The following PPP1R12B variants were observed in gnomAD, a reference collection of about 807,000 sequenced individuals.
The protein encoded by PPP1R12B is myosin phosphatase target subunit 2.
In PPP1R12B, 76 loss-of-function variants were observed where a neutral mutation model predicts 126.1. The observed-to-expected ratio is 0.60, with a 90% CI of 0.50 to 0.73. The LOEUF (loss-of-function observed/expected upper bound fraction) is 0.73, where lower values mean the gene tolerates loss of function less well. PPP1R12B is among the 30% of genes least tolerant of loss of function. The pLI, the probability that PPP1R12B is intolerant of heterozygous loss-of-function variation, is 0.00. For synonymous variants in PPP1R12B, 356 were observed against 434.7 expected, an observed-to-expected ratio of 0.82 and a Z score of 2.25; for missense variants, 1,052 against 1,205.1, an observed-to-expected ratio of 0.87 and a Z score of 1.88.
chr1:202,558,043 T>G (rs1228771083), intron 18 of PPP1R12B, among the ~76,000 whole-genome samples: 1 of 152,146 alleles, frequency 6.6e-6, no homozygotes, highest in Non-Finnish European at 1.5e-5. Context: ...CCTCCTCTTG[T>G]CTGTCTTGAA....
intron 21 of PPP1R12B, among the ~76,000 whole-genome samples, chr1:202,564,837 A>G (rs757573149): frequency 5.3e-5 from 8 of 152,236 alleles, no homozygotes; most frequent in Non-Finnish European, 1.0e-4. Flanking sequence ...AACCAGCACT[A>G]CAAAGCTAGT....
chr1:202,465,531 T>C (rs537103415), intron 13 of PPP1R12B, among the ~76,000 whole-genome samples: 3 of 152,218 alleles, frequency 2.0e-5, no homozygotes, highest in Non-Finnish European at 2.9e-5. Flanking sequence ...GGTTGTCTTA[T>C]GGGTCATCTG....
At chr1:202,572,707 C>T (rs1176367853) in intron 23 of PPP1R12B, among the ~76,000 whole-genome samples, 1 of 152,186 alleles carries the variant, frequency 6.6e-6, no homozygotes, top group African/African-American at 2.4e-5. Flanking sequence ...CAGACCTTCT[C>T]CCCTTCCTTT....
chr1:202,484,058 G>A (rs1376477734), intron 13 of PPP1R12B, among the ~76,000 whole-genome samples: 2 of 152,016 alleles, frequency 1.3e-5, no homozygotes, highest in Non-Finnish European at 2.9e-5. Context: ...TTTTTAATCC[G>A]TTCAGCCACT....
chr1:202,521,492 GAT>G (rs1371352803), intron 18 of PPP1R12B, among the ~76,000 whole-genome samples: 1 of 152,106 alleles, frequency 6.6e-6, no homozygotes, highest in Non-Finnish European at 1.5e-5. Flanking sequence ...ATGAAGAACA[GAT>G]AATGAAACAA....
chr1:202,572,513 G>A (rs760283026), intron 23 of PPP1R12B, among the ~76,000 whole-genome samples: 2 of 152,220 alleles, frequency 1.3e-5, no homozygotes, highest in African/African-American at 2.4e-5. Flanking sequence ...GGAAAGGTAA[G>A]TATTTATGAA....
At chr1:202,356,327 T>C (rs768075412) in intron 1 of PPP1R12B, among the ~76,000 whole-genome samples, 1 of 151,974 alleles carries the variant, frequency 6.6e-6, no homozygotes, top group Non-Finnish European at 1.5e-5. Context: ...GTTGAAGTAA[T>C]GAGTGTGAAA....
At chr1:202,397,449 C>T (rs1205437788) in intron 1 of PPP1R12B, among the ~76,000 whole-genome samples, 1 of 152,198 alleles carries the variant, frequency 6.6e-6, no homozygotes, top group East Asian at 1.9e-4. Context: ...TGTCTTTTCA[C>T]ACTACTCTCT....
intron 2 of PPP1R12B, among the ~76,000 whole-genome samples, chr1:202,421,654 A>C (rs146634384): frequency 0.042 from 6,382 of 152,006 alleles, 176 homozygotes; most frequent in Middle Eastern, 0.11. Context: ...AAAAAAACAA[A>C]AAAAAAAGGG....
chr1:202,465,292 C>G (rs1485218978), intron 13 of PPP1R12B, among the ~76,000 whole-genome samples: 1 of 152,118 alleles, frequency 6.6e-6, no homozygotes, highest in Non-Finnish European at 1.5e-5. Context: ...TCCAAGGGGT[C>G]AGTCTTCACT....
chr1:202,576,444 A>G (rs28550838), intron 23 of PPP1R12B: 1 of 152,228 alleles, frequency 6.6e-6, no homozygotes, highest in African/African-American at 2.4e-5. Flanking sequence ...ACTAATATCC[A>G]CTAGAACTGA....
At chr1:202,404,280 C>T (rs575636471) in intron 1 of PPP1R12B, among the ~76,000 whole-genome samples, 1 of 152,160 alleles carries the variant, frequency 6.6e-6, no homozygotes, top group East Asian at 1.9e-4. Context: ...CTCAGTATGG[C>T]AAATGAAGCC....
intron 23 of PPP1R12B, among the ~76,000 whole-genome samples, chr1:202,579,512 C>G (rs1352410823): frequency 6.6e-6 from 1 of 152,244 alleles, no homozygotes; most frequent in African/African-American, 2.4e-5. Flanking sequence ...GTACCCTTAT[C>G]AACATCCCAT....
chr1:202,480,219 A>G (rs1158854312), intron 13 of PPP1R12B, among the ~76,000 whole-genome samples: 2 of 152,228 alleles, frequency 1.3e-5, no homozygotes, highest in Non-Finnish European at 2.9e-5. Flanking sequence ...GAAACAAAAA[A>G]TCACTGAAAT....
At chr1:202,465,636 A>AT (rs1674877493) in intron 13 of PPP1R12B, among the ~76,000 whole-genome samples, 1 of 152,218 alleles carries the variant, frequency 6.6e-6, no homozygotes, top group Non-Finnish European at 1.5e-5. Context: ...TTTAAGAAGT[A>AT]TTTTTAAAAA....
chr1:202,580,062 AC>A (rs1689451554), intron 23 of PPP1R12B, among the ~76,000 whole-genome samples: 1 of 150,786 alleles, frequency 6.6e-6, no homozygotes, highest in Non-Finnish European at 1.5e-5. Context: ...GTTGACCACC[AC>A]CCCCTTTCTG....
chr1:202,531,512 A>G (rs1414815755), intron 18 of PPP1R12B, among the ~76,000 whole-genome samples: 5 of 152,214 alleles, frequency 3.3e-5, no homozygotes. Flanking sequence ...GCATAGAATA[A>G]GAACTTAATA....
chr1:202,467,203 T>G (rs1175043375), intron 13 of PPP1R12B, among the ~76,000 whole-genome samples: 2 of 152,056 alleles, frequency 1.3e-5, no homozygotes, highest in African/African-American at 4.8e-5. Context: ...CTCCCTTGTT[T>G]TGTAGGATGT....
At chr1:202,506,742 G>C (rs1333153553) in intron 18 of PPP1R12B, among the ~76,000 whole-genome samples, 1 of 152,032 alleles carries the variant, frequency 6.6e-6, no homozygotes, top group East Asian at 1.9e-4. Context: ...TTAAAACTCT[G>C]CTGGAGCTTT....
Sources: gnomAD v4.1 joint callset for allele counts (sites outside exome capture counted in the v4.1 genomes callset) on GRCh38, gnomAD v4.1.1 for gene constraint, MANE v1.5 for transcripts, NCBI Gene and HGNC (gene_info 2026-07-23, HGNC 2026-07-21) for gene names.